Variants in PTPRS observed in about 807,000 individuals in gnomAD.
The protein encoded by PTPRS is receptor-type tyrosine-protein phosphatase S.
Under a neutral mutation model 215.3 loss-of-function variants are expected in PTPRS, and 63 were observed. The ratio of observed to expected loss-of-function variants is 0.29; its 90% CI spans 0.24 to 0.36. The LOEUF (loss-of-function observed/expected upper bound fraction) is 0.36, where lower values mean the gene tolerates loss of function less well. PTPRS is among the 10% of genes least tolerant of loss of function. The probability of loss-of-function intolerance (pLI) is 1.00; values close to 1 mark genes in which losing one functional copy is unlikely to be tolerated. For missense variants in PTPRS, 2,258 were observed against 2,825.8 expected (o/e 0.80, Z 4.56); for synonymous variants, 1,404 against 1,191.4 (o/e 1.18, Z -3.68).
intron 11 of PTPRS, among the ~76,000 whole-genome samples, chr19:5,243,568 C>A (rs1434933809): frequency 1.3e-5 from 2 of 149,828 alleles, no homozygotes; most frequent in Non-Finnish European, 3.0e-5. Flanking sequence ...CAACCTCCAC[C>A]TCCTGGGTTC....
At chr19:5,312,032 A>G (rs1434478929) in intron 1 of PTPRS, among the ~76,000 whole-genome samples, 1 of 148,162 alleles carries the variant, frequency 6.7e-6, no homozygotes, top group East Asian at 2.0e-4. Context: ...ACACAGCGAG[A>G]CTCCGTCTCA....
chr19:5,214,148 C>T (rs1396261220), intron 30 of PTPRS, among the ~76,000 whole-genome samples: 2 of 152,232 alleles, frequency 1.3e-5, no homozygotes, highest in African/African-American at 4.8e-5. Context: ...CGGCTTTGTT[C>T]TCCTGCCGTG....
chr19:5,252,873 CAAAAAAAAAAA>C (rs769636796), intron 9 of PTPRS, among the ~76,000 whole-genome samples: 166 of 45,672 alleles, frequency 3.6e-3, no homozygotes, highest in South Asian at 7.1e-3. Flanking sequence ...AACTCCATCT[CAAAAAAAAAAA>C]AAAAAAAAAA....
At chr19:5,256,019 G>T in intron 9 of PTPRS, 89 bp downstream of exon 9, 2 of 1,109,654 alleles carry the variant, frequency 1.8e-6, no homozygotes, top group Admixed American at 2.4e-5. Context: ...TGTCCGTGTG[G>T]TGTCTACATG....
In PTPRS at chr19:5,206,606, TG is replaced by T. The variant is rs907905546; in HGVS notation, c.*167del. 24 of 508,126 alleles carry T rather than the reference TG, an allele frequency of 4.7e-5. No individual in the cohort carries two copies. Among genetic ancestry groups the T allele is most frequent in the Non-Finnish European group, 7.6e-5 (22 of 287,748 alleles). 31.5% of individuals were successfully genotyped at this position (508,126 alleles called of 1,614,324 possible). On this transcript the variant is annotated 3_prime_UTR_variant, in exon 38 of 38. Transcript: ENST00000262963. ...AGGTCGCTGGGGCGGCCGGGGCCGG[TG>T]GGGGGGCTCGAGGGGCTGCGTCGTC...
In PTPRS at chr19:5,215,492, G is replaced by A. The variant is rs762724693; in HGVS notation, c.4194+6C>T. The A allele has an allele frequency of 2.7e-6, 4 of 1,471,568 alleles. No homozygotes were observed. Among genetic ancestry groups the A allele is most frequent in the Non-Finnish European group, 3.8e-6 (4 of 1,058,222 alleles). The allele number at this position is 1,471,568 out of a possible 1,614,324, so 91.2% of individuals were successfully genotyped here. On this transcript the variant is annotated splice_donor_region_variant and intron_variant, in intron 27 of 37. Transcript: ENST00000262963. The stretch of plus-strand genomic sequence containing the variant: ...TGATGAGGGTGGGAGGCGGGGGTGG[G>A]CTCACCTCATACTCCTGGGAGAGCT...
At chr19:5,318,374 G>T (rs542771381) in intron 1 of PTPRS, among the ~76,000 whole-genome samples, 24 of 151,912 alleles carry the variant, frequency 1.6e-4, no homozygotes, top group African/African-American at 5.5e-4. Flanking sequence ...ATGATGGAAT[G>T]ATGACCGTGA....
Position 5,273,571 on chromosome 19 carries a change from C to T in PTPRS, c.250G>A (p.Asp84Asn). The change falls in exon 4 of 38, where the codon GAT becomes AAT. Residue 84 changes from aspartate to asparagine, a missense_variant. By Grantham distance (23) the Asp-to-Asn change is conservative (BLOSUM62 1). Around this residue, in one of 6 missense-constraint regions of PTPRS, gnomAD observed 508 missense variants for 799.4 expected, o/e 0.64. Transcript: ENST00000262963. The part of the protein sequence containing the change: ...NSQRFETIEF[D>N]ESAGAVLRIQ... ...CTCAGCACTGCCCCTGCACTCTCATCAAACTCAATCGTCTGCCATGGGCAG... is the reference window on the plus strand; with the variant it reads ...CTCAGCACTGCCCCTGCACTCTCATTAAACTCAATCGTCTGCCATGGGCAG... 6.2e-7 allele frequency: 1 copy of T among 1,614,182 alleles called. No homozygotes were observed. The highest frequency in any genetic ancestry group is 1.1e-5 in the South Asian group (1 of 91,080).
chr19:5,206,684 C>T lies in PTPRS; in HGVS notation c.*90G>A, dbSNP rs2040390092. ...GCTGCCGCTGCCACCTCCTGCCCTG[C>T]CCACTGGGGGTCCAGGCCTCAGGAG... On this transcript the variant is annotated 3_prime_UTR_variant, in exon 38 of 38. Coordinates refer to ENST00000262963, the MANE Select transcript of PTPRS (RefSeq NM_002850.4). The T allele has an allele frequency of 3.5e-6, 4 of 1,151,734 alleles. No homozygotes were observed. The highest frequency in any genetic ancestry group is 3.1e-5 in the African/African-American group (2 of 65,096). The allele number at this position is 1,151,734 out of a possible 1,614,324, so 71.3% of individuals were successfully genotyped here. A position where few individuals can be genotyped will look rare whatever the true frequency, so the allele number is the denominator to read the frequency against.
intron 1 of PTPRS, among the ~76,000 whole-genome samples, chr19:5,330,423 C>T (rs533217074): frequency 2.0e-5 from 3 of 152,228 alleles, no homozygotes; most frequent in Non-Finnish European, 4.4e-5. Flanking sequence ...GCATTAGCGG[C>T]CCCCACCACG....
intron 1 of PTPRS, among the ~76,000 whole-genome samples, chr19:5,327,503 T>C (rs1446420263): frequency 1.3e-5 from 2 of 151,990 alleles, no homozygotes; most frequent in African/African-American, 4.8e-5. Flanking sequence ...CTAAACCCGA[T>C]CCCCCAAAGA....
In PTPRS at chr19:5,210,917, C is replaced by A; in HGVS notation, c.5235-112G>T. ...AGCCAGTGACAGCTACACCTACCAC[C>A]CCACTGCCTGCCAGGAATGGCTGCT... On this transcript the variant is annotated intron_variant, in intron 33 of 37. Coordinates refer to ENST00000262963, the MANE Select transcript of PTPRS (RefSeq NM_002850.4). The surrounding 1 kb of genome is among the most constrained non-coding windows in gnomAD (Gnocchi z 4.5). 7.1e-7 allele frequency: 1 copy of A among 1,398,946 alleles called. No individual in the cohort carries two copies. Among genetic ancestry groups the A allele is most frequent in the South Asian group, 1.4e-5 (1 of 70,074 alleles). The allele number at this position is 1,398,946 out of a possible 1,614,324, so 86.7% of individuals were successfully genotyped here. A position where few individuals can be genotyped will look rare whatever the true frequency, so the allele number is the denominator to read the frequency against.
At position 5,208,017 on chromosome 19, in the gene PTPRS, T is replaced by C. The variant is rs942270803; in HGVS notation, c.5683A>G (p.Ile1895Val). The C allele has an allele frequency of 6.2e-7, 1 of 1,613,952 alleles. No homozygotes were observed. The highest frequency in any genetic ancestry group is 1.7e-4 in the Middle Eastern group (1 of 6,060). The change falls in exon 37 of 38, where the codon ATC (isoleucine) becomes GTC (valine). Residue 1895 changes from isoleucine (I) to valine (V), a missense_variant. Physicochemically the swap from Ile to Val is conservative, Grantham distance 29. Around this residue, in one of 6 missense-constraint regions of PTPRS, gnomAD observed 89 missense variants for 104.0 expected, o/e 0.86. Coordinates refer to ENST00000262963, the MANE Select transcript of PTPRS (RefSeq NM_002850.4). ...TCATACCGCATCCGCTCCAGCACGA[T>C]GCTAAGCGTGATGAAGACGCCCGTC... ...GRTGVFITLS[I>V]VLERMRYEGV...
intron 9 of PTPRS, chr19:5,250,863 G>A (rs1466791433): frequency 6.8e-6 from 1 of 146,904 alleles, no homozygotes; most frequent in African/African-American, 2.5e-5. Context: ...AGGTGATCTG[G>A]TTGAAGCACT....
At chr19:5,218,060 G>A (rs772134131) in intron 25 of PTPRS, among the ~76,000 whole-genome samples, 4 of 152,110 alleles carry the variant, frequency 2.6e-5, no homozygotes, top group Non-Finnish European at 4.4e-5. Context: ...CACCACCGAG[G>A]AACATTAAAA....
Position 5,246,095 on chromosome 19 carries a change from T to G in PTPRS, c.719-50A>C, listed in dbSNP as rs764881745. On this transcript the variant is annotated intron_variant, in intron 9 of 37. Coordinates refer to ENST00000262963, the MANE Select transcript of PTPRS (RefSeq NM_002850.4). ...CGGGAGGGAGATGCGAGGGGTGAGGTGGGGTGAGGTTGGGAGGGGAAGACA... is the reference window on the plus strand; with the variant it reads ...CGGGAGGGAGATGCGAGGGGTGAGGGGGGGTGAGGTTGGGAGGGGAAGACA... The G allele has an allele frequency of 3.3e-5, 35 of 1,064,376 alleles. No individual in the cohort carries two copies. The Admixed American group carries it at 4.6e-4, about 14-fold the overall frequency. The allele number at this position is 1,064,376 out of a possible 1,614,324, so 65.9% of individuals were successfully genotyped here.
chr19:5,291,492 G>A (rs2048813363), intron 1 of PTPRS, among the ~76,000 whole-genome samples: 1 of 152,076 alleles, frequency 6.6e-6, no homozygotes, highest in Non-Finnish European at 1.5e-5. Context: ...GCCAAGATCT[G>A]GGGGTACCCC....
At chr19:5,214,933 A>G (rs935847093) in intron 28 of PTPRS, among the ~76,000 whole-genome samples, 197 bp from the exon 29 acceptor site, 1 of 152,208 alleles carries the variant, frequency 6.6e-6, no homozygotes, top group African/African-American at 2.4e-5. Flanking sequence ...TGGCGGGGCC[A>G]TTCTGGGCAC....
chr19:5,233,653 A>C (rs933466323), intron 13 of PTPRS, among the ~76,000 whole-genome samples: 1 of 151,526 alleles, frequency 6.6e-6, no homozygotes, highest in Non-Finnish European at 1.5e-5. Flanking sequence ...ATAATAGCAT[A>C]AGAATCTCGG....
Sources: gnomAD v4.1 joint callset for allele counts (sites outside exome capture counted in the v4.1 genomes callset) on GRCh38, gnomAD v4.1.1 for gene constraint, gnomAD v4.1.1 regional missense constraint, Gnocchi (gnomAD v3.1) non-coding constraint, MANE v1.5 for transcripts, NCBI Gene and HGNC (gene_info 2026-07-23, HGNC 2026-07-21) for gene names.